SLC2A5: variants seen among roughly 807,000 people sequenced by gnomAD.
SLC2A5 encodes the protein solute carrier family 2, facilitated glucose transporter member 5.
Under a neutral mutation model 50.3 loss-of-function variants are expected in SLC2A5, and 56 were observed. That is an observed-to-expected ratio of 1.11 (90% CI 0.90 to 1.39). SLC2A5 has a LOEUF of 1.39. Ranked by LOEUF, SLC2A5 falls within the 40% of genes most tolerant of loss-of-function variation. The probability of loss-of-function intolerance (pLI) is 0.00; values close to 1 mark genes in which losing one functional copy is unlikely to be tolerated. For missense variants in SLC2A5, 566 were observed against 650.1 expected (o/e 0.87, Z 1.41); for synonymous variants, 269 against 281.9 (o/e 0.95, Z 0.46).
intron 2 of SLC2A5, among the ~76,000 whole-genome samples, chr1:9,079,769 G>T (rs367708324): frequency 1.3e-5 from 2 of 152,206 alleles, no homozygotes; most frequent in Non-Finnish European, 2.9e-5. Context: ...TTACAGGCGT[G>T]AGCCACCACG....
chr1:9,056,174 C>A (rs1641744977), intron 3 of SLC2A5, among the ~76,000 whole-genome samples: 1 of 152,120 alleles, frequency 6.6e-6, no homozygotes, highest in South Asian at 2.1e-4. Flanking sequence ...CCCAAAGCTG[C>A]AGCGGTGTTT....
intron 4 of SLC2A5, among the ~76,000 whole-genome samples, chr1:9,045,261 T>C (rs752142946): frequency 1.8e-4 from 28 of 152,300 alleles, no homozygotes; most frequent in Non-Finnish European, 3.5e-4. Context: ...TTTTAAAAAA[T>C]GAATTAATAT....
chr1:9,071,842 C>G (rs918917443), upstream of SLC2A5: 2 of 152,654 alleles, frequency 1.3e-5, no homozygotes, highest in East Asian at 3.9e-4. Context: ...GGCGGGCCTG[C>G]GGGCTCCGGG....
Position 9,069,556 on chromosome 1 carries a change from A to G in SLC2A5, c.-20T>C. The G allele has an allele frequency of 1.9e-6, 3 of 1,614,040 alleles. No homozygotes were observed. The highest frequency in any genetic ancestry group is 2.5e-6 in the Non-Finnish European group (3 of 1,179,982). ...CTCCATGCTTGCTCTGGAAGGGCAG[A>G]GTGCCGCTCACCTCCTTTTAGCCAA... On this transcript the variant is annotated 5_prime_UTR_variant, in exon 1 of 12. Coordinates refer to ENST00000377424, the MANE Select transcript of SLC2A5 (RefSeq NM_003039.3).
intron 3 of SLC2A5, among the ~76,000 whole-genome samples, chr1:9,048,211 TTA>T (rs1641483218): frequency 6.6e-6 from 1 of 152,176 alleles, no homozygotes. Context: ...TTTCACCATA[TTA>T]AAGATTATAT....
intron 1 of SLC2A5, among the ~76,000 whole-genome samples, chr1:9,068,493 C>T (rs1642141487): frequency 1.3e-5 from 2 of 148,470 alleles, no homozygotes; most frequent in Admixed American, 1.4e-4. Context: ...CTCTTGTTGA[C>T]CAGGCTGGAG....
chr1:9,039,794 C>T lies in SLC2A5; in HGVS notation c.885+6G>A. The stretch of plus-strand genomic sequence containing the variant: ...CCCAGCTCCCGAGCCGCAGCCCGGC[C>T]CATACAGCGTTGACGCCCGACAGCT... On this transcript the variant is annotated splice_donor_region_variant and intron_variant, in intron 7 of 11. Transcript: ENST00000377424. 1.9e-6 allele frequency: 3 copies of T among 1,558,966 alleles called. No homozygotes were observed. The highest frequency in any genetic ancestry group is 1.2e-5 in the South Asian group (1 of 85,582).
chr1:9,038,896 G>A lies in SLC2A5; in HGVS notation c.1030C>T (p.Leu344=), dbSNP rs765577303. The A allele has an allele frequency of 2.5e-6, 4 of 1,612,620 alleles. No individual in the cohort carries two copies. In the South Asian group the frequency reaches 3.3e-5, roughly 13 times the overall value. The change falls in exon 9 of 12, where the codon CTG becomes TTG. Residue 344 remains leucine, a synonymous_variant. Coordinates refer to ENST00000377424, the MANE Select transcript of SLC2A5 (RefSeq NM_003039.3). Reference sequence around the variant, plus strand: ...CAGATGGAGAAGCCCAGCAGCAGCAGCAGCCTCCGACCCAGGAGCTCCACC... The same window carrying A: ...CAGATGGAGAAGCCCAGCAGCAGCAACAGCCTCCGACCCAGGAGCTCCACC... The part of the protein sequence containing the change: ...FVVELLGRRL[L]LLLGFSICLI...
chr1:9,047,144 T>C (rs1482594807), intron 4 of SLC2A5, among the ~76,000 whole-genome samples: 1 of 152,182 alleles, frequency 6.6e-6, no homozygotes, highest in Admixed American at 6.5e-5. Context: ...TTTACAGCAG[T>C]GTGAAAACAG....
intron 5 of SLC2A5, 121 bp downstream of exon 5, chr1:9,041,664 C>A: frequency 1.3e-6 from 2 of 1,561,700 alleles, no homozygotes; most frequent in Admixed American, 1.9e-5. Flanking sequence ...GGACATCCAG[C>A]CTGTTAGAAG....
upstream of SLC2A5, among the ~76,000 whole-genome samples, chr1:9,092,382 A>G (rs11485223): frequency 0.045 from 6,826 of 152,098 alleles, 285 homozygotes; most frequent in East Asian, 0.16. Context: ...CCTCTTCCAC[A>G]CTAGCCATTT....
chr1:9,038,614 C>A, intron 9 of SLC2A5, 108 bp from the exon 10 acceptor site: 1 of 1,238,834 alleles, frequency 8.1e-7, no homozygotes, highest in African/African-American at 1.5e-5. Flanking sequence ...GGCTCCTCCC[C>A]CAGCAGTGCC....
At chr1:9,053,082 AATATATAATATATATTT>A (rs1313886090) in intron 3 of SLC2A5, among the ~76,000 whole-genome samples, 41 of 115,686 alleles carry the variant, frequency 3.5e-4, no homozygotes, top group Non-Finnish European at 4.6e-4. Context: ...TTTATATATT[AATATATAATATATATTT>A]ATATATAATA....
At chr1:9,054,063 A>G (rs1641694342) in intron 3 of SLC2A5, among the ~76,000 whole-genome samples, 1 of 152,146 alleles carries the variant, frequency 6.6e-6, no homozygotes, top group South Asian at 2.1e-4. Flanking sequence ...ATAGGAAGGT[A>G]GACCTGCAGA....
At position 9,040,226 on chromosome 1, in the gene SLC2A5, C is replaced by T; in HGVS notation, c.572-37G>A. On this transcript the variant is annotated intron_variant, in intron 5 of 11. Coordinates refer to ENST00000377424, the MANE Select transcript of SLC2A5 (RefSeq NM_003039.3). This position sits in a 1 kb window ranked among gnomAD's most constrained non-coding sequence, Gnocchi z 4.3. ...GCAGCGAGCTGGCACCAGCGGCCTC[C>T]CCACCACCCCGAAGGCGCCCTCTGC... is the stretch of plus-strand genomic sequence containing the variant. The T allele has an allele frequency of 6.5e-7, 1 of 1,537,908 alleles. No homozygotes were observed. Among genetic ancestry groups the T allele is most frequent in the Non-Finnish European group, 8.7e-7 (1 of 1,144,844 alleles).
intron 3 of SLC2A5, 88 bp from the exon 4 acceptor site, chr1:9,047,822 C>T (rs1641474994): frequency 3.5e-6 from 5 of 1,410,712 alleles, no homozygotes; most frequent in Non-Finnish European, 3.9e-6. Context: ...TCTGCATAGG[C>T]TCCAGCAGTT....
At chr1:9,078,384 G>A (rs1287996149) in intron 2 of SLC2A5, among the ~76,000 whole-genome samples, 1 of 152,126 alleles carries the variant, frequency 6.6e-6, no homozygotes, top group Non-Finnish European at 1.5e-5. Context: ...ATGCAGCCCA[G>A]TAGGTCTCAG....
rs1641237067 is a variant in SLC2A5, at chr1:9,039,583, C to T, written c.965G>A (p.Gly322Glu). ...GAAGGTCATGACCACGTTCACGGCCCCGGTGCCGGCCGTCACGTACTGCAC... is the reference window on the plus strand; with the variant it reads ...GAAGGTCATGACCACGTTCACGGCCTCGGTGCCGGCCGTCACGTACTGCAC... Reference protein sequence around the residue: ...EHVQYVTAGTGAVNVVMTFCA... With the variant: ...EHVQYVTAGTEAVNVVMTFCA... Residue 322 changes from glycine (G) to glutamate (E), a missense_variant, in exon 8 of 12, where the codon GGG (glycine) becomes GAG (glutamate). Transcript: ENST00000377424. 2 of 1,575,612 alleles carry T rather than the reference C, an allele frequency of 1.3e-6. No individual in the cohort carries two copies. Among genetic ancestry groups the T allele is most frequent in the East Asian group, 2.4e-5 (1 of 42,146 alleles).
At chr1:9,066,096 G>A (rs1411562070) in intron 1 of SLC2A5, among the ~76,000 whole-genome samples, 2 of 152,150 alleles carry the variant, frequency 1.3e-5, no homozygotes, top group Admixed American at 6.5e-5. Flanking sequence ...GTGAGGACCC[G>A]GAGAGCACAG....
Sources: allele counts gnomAD v4.1 joint callset (sites outside exome capture counted in the v4.1 genomes callset), GRCh38; gene constraint gnomAD v4.1.1; non-coding constraint Gnocchi (gnomAD v3.1); transcripts MANE v1.5; gene names NCBI Gene and HGNC (gene_info 2026-07-23, HGNC 2026-07-21).